The following DNAJC25 variants were observed in gnomAD, a reference collection of about 807,000 sequenced individuals.
The protein encoded by DNAJC25 is dnaJ homolog subfamily C member 25.
DNAJC25 carries 26 observed loss-of-function variants against 42.1 expected under a neutral mutation model. The ratio of observed to expected loss-of-function variants is 0.62; its 90% CI spans 0.45 to 0.86. The LOEUF is 0.86. Among genes scored for constraint, DNAJC25 ranks in the 40% least tolerant of loss-of-function variants. DNAJC25 has a pLI of 0.00. For synonymous variants in DNAJC25, 189 were observed against 179.9 expected (o/e 1.05, Z -0.40); for missense variants, 404 against 459.4 (o/e 0.88, Z 1.10).
intron 1 of DNAJC25, among the ~76,000 whole-genome samples, chr9:111,645,691 ATCTG>A (rs1197202512): frequency 6.6e-6 from 1 of 152,232 alleles, no homozygotes; most frequent in Non-Finnish European, 1.5e-5. Context: ...ACCCCAGAGA[ATCTG>A]TCTGCAGTAG....
At chr9:111,647,774 A>G (rs1380706391) in intron 2 of DNAJC25, among the ~76,000 whole-genome samples, 1 of 152,118 alleles carries the variant, frequency 6.6e-6, no homozygotes, top group Non-Finnish European at 1.5e-5. Context: ...AGGCATAGGA[A>G]CTTTCTGTTT....
chr9:111,635,088 A>C (rs1830343911), intron 1 of DNAJC25, among the ~76,000 whole-genome samples: 1 of 152,196 alleles, frequency 6.6e-6, no homozygotes, highest in African/African-American at 2.4e-5. Flanking sequence ...TGGACTTTGG[A>C]AGTTAAACAA....
At chr9:111,650,239 C>T (rs1352132407) in intron 3 of DNAJC25, among the ~76,000 whole-genome samples, 1 of 150,694 alleles carries the variant, frequency 6.6e-6, no homozygotes. Context: ...TGGGTAACTG[C>T]ACTAAAATTT....
intron 1 of DNAJC25, among the ~76,000 whole-genome samples, chr9:111,634,908 G>A (rs1830341857): frequency 6.6e-6 from 1 of 152,118 alleles, no homozygotes; most frequent in South Asian, 2.1e-4. Context: ...GAAGGCAAAG[G>A]CACTGGCCTC....
intron 1 of DNAJC25, among the ~76,000 whole-genome samples, chr9:111,646,390 T>C (rs1830568179): frequency 6.6e-6 from 1 of 152,230 alleles, no homozygotes; most frequent in African/African-American, 2.4e-5. Flanking sequence ...AAGGAGTTGG[T>C]ATCGGTAAGG....
chr9:111,641,682 G>C (rs1830471524), intron 1 of DNAJC25, among the ~76,000 whole-genome samples: 1 of 136,136 alleles, frequency 7.3e-6, no homozygotes, highest in Non-Finnish European at 1.6e-5. Context: ...GGTGGGGGGG[G>C]GGTCAGCCCC....
chr9:111,637,585 A>AT (rs1830382524), intron 1 of DNAJC25, among the ~76,000 whole-genome samples: 1 of 151,774 alleles, frequency 6.6e-6, no homozygotes, highest in Non-Finnish European at 1.5e-5. Context: ...CTACACTTAC[A>AT]TTTTTTCCTT....
In DNAJC25 at chr9:111,654,152, A is replaced by G. The variant is rs897292477; in HGVS notation, c.*930A>G. 2.1e-4 allele frequency: 32 copies of G among 152,358 alleles called. No homozygotes were observed. The highest frequency in any genetic ancestry group is 7.2e-4 in the African/African-American group (30 of 41,578). The allele number at this position is 152,358 out of a possible 1,614,324, so 9.4% of individuals were successfully genotyped here. On this transcript the variant is annotated 3_prime_UTR_variant, in exon 4 of 4. Coordinates refer to ENST00000313525, the MANE Select transcript of DNAJC25 (RefSeq NM_001015882.3). ...TGCATTTAAGCCAGAAACGAGGTAC[A>G]TGGCTGTGTGCTCTTCTGTCAACCA...
In DNAJC25 at chr9:111,654,183, A is replaced by G. The variant is rs1224539199; in HGVS notation, c.*961A>G. On this transcript the variant is annotated 3_prime_UTR_variant, in exon 4 of 4. Transcript: ENST00000313525. ...GTGTGCTCTTCTGTCAACCAATGAA[A>G]TGTGTTTTCACATGTGTGGCAGTGC... The G allele has an allele frequency of 6.6e-6, 1 of 152,214 alleles. No homozygotes were observed. The highest frequency in any genetic ancestry group is 2.4e-5 in the African/African-American group (1 of 41,450). 9.4% of individuals were successfully genotyped at this position (152,214 alleles called of 1,614,324 possible). A position where few individuals can be genotyped will look rare whatever the true frequency, so the allele number is the denominator to read the frequency against.
intron 3 of DNAJC25, among the ~76,000 whole-genome samples, chr9:111,650,200 C>A (rs538065252): frequency 1.4e-3 from 220 of 151,956 alleles, no homozygotes; most frequent in African/African-American, 5.0e-3. Context: ...GAATGATATG[C>A]ATGTTTGCAA....
At chr9:111,639,650 G>A (rs1416693362) in intron 1 of DNAJC25, among the ~76,000 whole-genome samples, 1 of 149,130 alleles carries the variant, frequency 6.7e-6, no homozygotes, top group Non-Finnish European at 1.5e-5. Flanking sequence ...TAGACTAGAG[G>A]TTGTTTTTTT....
rs1208658347 is a variant in DNAJC25, at chr9:111,654,064, G to C, written c.*842G>C. On this transcript the variant is annotated 3_prime_UTR_variant, in exon 4 of 4. Transcript: ENST00000313525. ...CAAGGCAGAAATAGTGTATTGAAAA[G>C]TTGTTCATCTATTATGAAGTCCTTG... 6.6e-6 allele frequency: 1 copy of C among 152,034 alleles called. No homozygotes were observed. The highest frequency in any genetic ancestry group is 1.5e-5 in the Non-Finnish European group (1 of 68,000). The allele number at this position is 152,034 out of a possible 1,614,324, so 9.4% of individuals were successfully genotyped here. A position where few individuals can be genotyped will look rare whatever the true frequency, so the allele number is the denominator to read the frequency against.
chr9:111,653,152 C>A lies in DNAJC25; in HGVS notation c.1013C>A (p.Pro338His). 2 of 1,602,390 alleles carry A rather than the reference C, an allele frequency of 1.2e-6. No homozygotes were observed. The highest frequency in any genetic ancestry group is 2.2e-5 in the South Asian group (2 of 89,566). ...EELKKKLAND[P>H]RWKRYRRWMK... The stretch of plus-strand genomic sequence containing the variant: ...TTAAAGAAAAAGTTGGCAAATGACC[C>A]CAGATGGAAGAGATACAGGAGATGG... The change falls in exon 4 of 4, where the codon CCC (proline) becomes CAC (histidine). Residue 338 changes from proline to histidine, a missense_variant. Coordinates refer to ENST00000313525, the MANE Select transcript of DNAJC25 (RefSeq NM_001015882.3).
intron 1 of DNAJC25, among the ~76,000 whole-genome samples, chr9:111,639,813 G>A (rs1031817719): frequency 6.6e-6 from 1 of 151,974 alleles, no homozygotes; most frequent in Admixed American, 6.6e-5. Flanking sequence ...CCACCCCAAA[G>A]ATGGTTTTTA....
In DNAJC25 at chr9:111,653,247, A is replaced by T. The variant is rs1228020070; in HGVS notation, c.*25A>T. The T allele has an allele frequency of 1.3e-6, 2 of 1,507,250 alleles. No individual in the cohort carries two copies. The highest frequency in any genetic ancestry group is 1.8e-6 in the Non-Finnish European group (2 of 1,124,582). 93.4% of individuals were successfully genotyped at this position (1,507,250 alleles called of 1,614,324 possible). A position where few individuals can be genotyped will look rare whatever the true frequency, so the allele number is the denominator to read the frequency against. ...AAGATTGATGGAATGCTACTATGCC[A>T]AACCTTAATTGTGATATTATTTTCA... is the stretch of plus-strand genomic sequence containing the variant. On this transcript the variant is annotated 3_prime_UTR_variant, in exon 4 of 4. Transcript: ENST00000313525.
chr9:111,632,689 CTTTT>C (rs11300589), intron 1 of DNAJC25, among the ~76,000 whole-genome samples: 1 of 146,488 alleles, frequency 6.8e-6, no homozygotes. Context: ...CTTTTCTAGC[CTTTT>C]TTTTTTTTTC....
chr9:111,646,946 C>T (rs1045372484), intron 1 of DNAJC25, 161 bp from the exon 2 acceptor site: 35 of 713,004 alleles, frequency 4.9e-5, no homozygotes, highest in Admixed American at 7.9e-5. Flanking sequence ...ATTTACATGG[C>T]TTTGAAGAGC....
At chr9:111,650,465 C>T (rs2131270249) in intron 3 of DNAJC25, among the ~76,000 whole-genome samples, 1 of 152,290 alleles carries the variant, frequency 6.6e-6, no homozygotes, top group African/African-American at 2.4e-5. Context: ...TCTAAACTTT[C>T]AGGCATTTTA....
At chr9:111,649,142 G>C (rs1399758648) in intron 2 of DNAJC25, among the ~76,000 whole-genome samples, 12 of 152,078 alleles carry the variant, frequency 7.9e-5, no homozygotes, top group Non-Finnish European at 1.8e-4. Context: ...CTAGGGAAGA[G>C]CCAAATGGTA....
Sources: allele counts gnomAD v4.1 joint callset (sites outside exome capture counted in the v4.1 genomes callset), GRCh38; gene constraint gnomAD v4.1.1; transcripts MANE v1.5; gene names NCBI Gene and HGNC (gene_info 2026-07-23, HGNC 2026-07-21).